The following HP1BP3 variants were observed in gnomAD, a reference collection of about 807,000 sequenced individuals.
HP1BP3 encodes the protein heterochromatin protein 1 binding protein 3.
In HP1BP3, 12 loss-of-function variants were observed where a neutral mutation model predicts 62.5. The ratio of observed to expected loss-of-function variants is 0.19; its 90% CI spans 0.12 to 0.31. The LOEUF is 0.31. Among genes scored for constraint, HP1BP3 ranks in the 10% least tolerant of loss-of-function variants. The pLI, the probability that HP1BP3 is intolerant of heterozygous loss-of-function variation, is 1.00. For synonymous variants in HP1BP3, 260 were observed against 237.8 expected (o/e 1.09, Z -0.86); for missense variants, 502 against 651.8 (o/e 0.77, Z 2.50).
chr1:20,747,580 C>T lies in HP1BP3; in HGVS notation c.1217G>A (p.Ser406Asn). 1 of 1,613,592 alleles carries T rather than the reference C, an allele frequency of 6.2e-7. No individual in the cohort carries two copies. The highest frequency in any genetic ancestry group is 8.5e-7 in the Non-Finnish European group (1 of 1,179,670). ...GGGAAAACAGAGCTGGAAGGTGCCA[C>T]TGAACCCTTTCCCAGAGATCTGTTC... ...WMEQISGKGFSGTFQLCFPYY... is the reference protein window; with the variant it reads ...WMEQISGKGFNGTFQLCFPYY... The change falls in exon 11 of 13, where the codon AGT becomes AAT. Residue 406 changes from serine (S) to asparagine (N), a missense_variant. Physicochemically the swap from Ser to Asn is conservative, Grantham distance 46. Around this residue, in one of 5 missense-constraint regions of HP1BP3, gnomAD observed 194 missense variants for 207.0 expected, o/e 0.94. Transcript: ENST00000438032.
In HP1BP3 at chr1:20,778,925, G is replaced by A. The variant is rs566562857; in HGVS notation, c.196+887C>T. ...GTGCCTCAGCCTCCTGAGTAGCAGGGATTACAGGCATGCACCACCATGCCC... is the reference window on the plus strand; with the variant it reads ...GTGCCTCAGCCTCCTGAGTAGCAGGAATTACAGGCATGCACCACCATGCCC... On this transcript the variant is annotated intron_variant, in intron 3 of 12. Coordinates refer to ENST00000438032, the MANE Select transcript of HP1BP3 (RefSeq NM_001372052.1). 3.2e-4 allele frequency among the ~76,000 whole-genome samples: 49 copies of A among 152,172 alleles called. 1 individual carries two copies. The South Asian group carries it at 9.1e-3, about 28-fold the overall frequency.
intron 5 of HP1BP3, 73 bp downstream of exon 5, chr1:20,773,378 T>C (rs992623483): frequency 9.7e-6 from 13 of 1,337,904 alleles, no homozygotes; most frequent in Non-Finnish European, 1.2e-5. Flanking sequence ...TCTAGACAGA[T>C]ATATGCCATT....
intron 3 of HP1BP3, among the ~76,000 whole-genome samples, chr1:20,779,363 G>A (rs2057442164): frequency 1.3e-5 from 2 of 152,058 alleles, no homozygotes; most frequent in African/African-American, 4.8e-5. Flanking sequence ...ACCACTGACT[G>A]GCCAATCTTC....
chr1:20,764,444 A>C (rs2056657132), intron 8 of HP1BP3, among the ~76,000 whole-genome samples: 1 of 151,838 alleles, frequency 6.6e-6, no homozygotes, highest in Admixed American at 6.6e-5. Context: ...CCTGGGTTCA[A>C]GCGATTCTCC....
At position 20,760,070 on chromosome 1, in the gene HP1BP3, G is replaced by A. The variant is rs529339477; in HGVS notation, c.891-2814C>T. ...TGCCCGGCTAATTTTTGTATGCTTA[G>A]TAGAGATGGGGTTTCACCATGTTGG... On this transcript the variant is annotated intron_variant, in intron 8 of 12. Coordinates refer to ENST00000438032, the MANE Select transcript of HP1BP3 (RefSeq NM_001372052.1). Among the ~76,000 whole-genome samples the A allele has an allele frequency of 9.2e-5, 14 of 152,076 alleles. No homozygotes were observed. The South Asian group carries it at 2.3e-3, about 25-fold the overall frequency.
chr1:20,746,186 A>ATATATGTG (rs1286650893), intron 11 of HP1BP3, among the ~76,000 whole-genome samples: 6 of 143,250 alleles, frequency 4.2e-5, no homozygotes, highest in East Asian at 4.2e-4. Flanking sequence ...ACATACATAT[A>ATATATGTG]TGTGTGTGTG....
At chr1:20,782,908 G>GAAAAAAAAAA (rs1056907677) in intron 1 of HP1BP3, among the ~76,000 whole-genome samples, 3 of 119,910 alleles carry the variant, frequency 2.5e-5, no homozygotes, top group Non-Finnish European at 5.1e-5. Context: ...TCAAAAAAAA[G>GAAAAAAAAAA]AAAAAAAAAA....
At position 20,741,848 on chromosome 1, in the gene HP1BP3, C is replaced by T. The variant is rs113496621; in HGVS notation, c.*2949G>A. ...GGGATTACCTCTGGGGTTTGTTGTT[C>T]CCCTTTCTGAACATGGAAGTAAAAA... On this transcript the variant is annotated 3_prime_UTR_variant, in exon 13 of 13. Coordinates refer to ENST00000438032, the MANE Select transcript of HP1BP3 (RefSeq NM_001372052.1). Among the ~76,000 whole-genome samples the T allele has an allele frequency of 1.2e-3, 180 of 152,286 alleles. No individual in the cohort carries two copies. Among genetic ancestry groups the T allele is most frequent in the African/African-American group, 4.3e-3 (177 of 41,550 alleles).
chr1:20,760,693 C>CG (rs752853191), intron 8 of HP1BP3, among the ~76,000 whole-genome samples: 1 of 151,934 alleles, frequency 6.6e-6, no homozygotes, highest in Admixed American at 6.6e-5. Context: ...AAAAATTACC[C>CG]GGGTGTGGTG....
chr1:20,761,516 G>A (rs2056478722), intron 8 of HP1BP3, among the ~76,000 whole-genome samples: 1 of 131,218 alleles, frequency 7.6e-6, no homozygotes, highest in Non-Finnish European at 1.6e-5. Context: ...GGATTTTTGG[G>A]GGGAGAGGGA....
At chr1:20,781,375 T>C (rs1175445766) in intron 1 of HP1BP3, among the ~76,000 whole-genome samples, 1 of 152,238 alleles carries the variant, frequency 6.6e-6, no homozygotes, top group Non-Finnish European at 1.5e-5. Flanking sequence ...TCTAACCTTG[T>C]CTAAGAATTG....
At chr1:20,786,777 G>A (rs1236451546) in intron 1 of HP1BP3, 3 of 152,326 alleles carry the variant, frequency 2.0e-5, no homozygotes, top group African/African-American at 4.8e-5. Context: ...GGTGAGGGGA[G>A]GGCGCGGGCG....
At chr1:20,780,233 A>T in intron 2 of HP1BP3, 112 bp downstream of exon 2, 1 of 753,004 alleles carries the variant, frequency 1.3e-6, no homozygotes, top group South Asian at 1.6e-5. Context: ...TTTCAAATTC[A>T]CAACCTAGAC....
chr1:20,744,931 T>TG lies in HP1BP3; in HGVS notation c.1527dup (p.Arg510GlnfsTer11). On this transcript the variant is annotated frameshift_variant, in exon 13 of 13. Coordinates refer to ENST00000438032, the MANE Select transcript of HP1BP3 (RefSeq NM_001372052.1). LOFTEE classifies it high-confidence loss of function. ...TTCTTGATGACTGTGGATGAGGGTC[T>TG]GGTCTTCTTGGCAGGCGTTTTGGCC... The TG allele has an allele frequency of 1.2e-6, 2 of 1,614,204 alleles. No homozygotes were observed. Among genetic ancestry groups the TG allele is most frequent in the Non-Finnish European group, 1.7e-6 (2 of 1,180,030 alleles).
chr1:20,745,808 C>G, intron 11 of HP1BP3, 152 bp from the exon 12 acceptor site: 1 of 718,194 alleles, frequency 1.4e-6, no homozygotes, highest in Non-Finnish European at 2.2e-6. Flanking sequence ...TACAATTTAC[C>G]GTATTTTGAA....
At position 20,744,711 on chromosome 1, in the gene HP1BP3, A is replaced by C. The variant is rs2055197930; in HGVS notation, c.*86T>G. On this transcript the variant is annotated 3_prime_UTR_variant, in exon 13 of 13. Transcript: ENST00000438032. ...TAGGGGAGGAAAATAATGTAATTTGAAAAGCATCAAAACTAAACAAATGCA... is the reference window on the plus strand; with the variant it reads ...TAGGGGAGGAAAATAATGTAATTTGCAAAGCATCAAAACTAAACAAATGCA... The C allele has an allele frequency of 8.1e-7, 1 of 1,234,536 alleles. No homozygotes were observed. The highest frequency in any genetic ancestry group is 1.5e-5 in the African/African-American group (1 of 66,352). 76.5% of individuals were successfully genotyped at this position (1,234,536 alleles called of 1,614,324 possible).
chr1:20,745,472 T>C lies in HP1BP3; in HGVS notation c.1367+71A>G. The C allele has an allele frequency of 3.9e-6, 6 of 1,537,922 alleles. No homozygotes were observed. In the South Asian group the frequency reaches 7.6e-5, roughly 19 times the overall value. On this transcript the variant is annotated intron_variant, in intron 12 of 12. Transcript: ENST00000438032. ...TGAAATGCTTTTTAGCTTTAGCCCC[T>C]CCTATAGCACTATTTTTCAGCTCTG...
chr1:20,764,087 C>T (rs990317830), intron 8 of HP1BP3, among the ~76,000 whole-genome samples: 3 of 152,164 alleles, frequency 2.0e-5, no homozygotes, highest in African/African-American at 7.2e-5. Flanking sequence ...TTCTTCCCAA[C>T]ACATATAATT....
chr1:20,775,819 G>T, intron 4 of HP1BP3: 1 of 701,806 alleles, frequency 1.4e-6, no homozygotes, highest in South Asian at 2.6e-5. Context: ...GCCTAGGTAT[G>T]TAGTAGGCTG....
Sources: allele counts gnomAD v4.1 joint callset (sites outside exome capture counted in the v4.1 genomes callset), GRCh38; gene constraint gnomAD v4.1.1; regional missense constraint gnomAD v4.1.1; transcripts MANE v1.5; gene names NCBI Gene and HGNC (gene_info 2026-07-23, HGNC 2026-07-21).